The following MDGA1 variants were observed in gnomAD, a reference collection of about 807,000 sequenced individuals.
MDGA1 encodes MAM domain containing glycosylphosphatidylinositol anchor 1, also known as MAM domain-containing glycosylphosphatidylinositol anchor protein 1.
A neutral mutation model predicts 101.5 loss-of-function variants in MDGA1; 54 were observed. The ratio of observed to expected loss-of-function variants is 0.53; its 90% confidence interval spans 0.43 to 0.67. The LOEUF (loss-of-function observed/expected upper bound fraction) is 0.67. MDGA1 is among the 30% of genes least tolerant of loss of function. The pLI, the probability that MDGA1 is intolerant of heterozygous loss-of-function variation, is 0.00. For missense variants in MDGA1, 1,083 were observed against 1,323.8 expected, an observed-to-expected ratio of 0.82 and a Z score of 2.82; for synonymous variants, 533 against 558.3, an observed-to-expected ratio of 0.95 and a Z score of 0.64.
intron 2 of MDGA1, among the ~76,000 whole-genome samples, chr6:37,663,370 G>C (rs925093720): frequency 6.6e-6 from 1 of 152,238 alleles, no homozygotes; most frequent in African/African-American, 2.4e-5. Context: ...GAAGTAGATA[G>C]AGATCACGTT....
chr6:37,693,670 C>T (rs996517158), intron 1 of MDGA1, among the ~76,000 whole-genome samples: 4 of 152,264 alleles, frequency 2.6e-5, no homozygotes, highest in African/African-American at 9.6e-5. Flanking sequence ...TCTTCCATCA[C>T]TTGGCTACTG....
In MDGA1 at chr6:37,647,085, G is replaced by A. The variant is rs574364508; in HGVS notation, c.2046+88C>T. ...GTCAACGTGTCTAAGCCCCATCTCC[G>A]ACCCTTCCTCTGGCCTTGATGAGCA... is the stretch of plus-strand genomic sequence containing the variant. On this transcript the variant is annotated intron_variant, in intron 10 of 16. Coordinates refer to ENST00000434837, the MANE Select transcript of MDGA1 (RefSeq NM_153487.4). The A allele has an allele frequency of 1.8e-4, 230 of 1,278,330 alleles. 2 individuals are homozygous for A. In the South Asian group the frequency reaches 2.8e-3, roughly 15 times the overall value. The allele number at this position is 1,278,330 out of a possible 1,614,324, so 79.2% of individuals were successfully genotyped here. A position where few individuals can be genotyped will look rare whatever the true frequency, so the allele number is the denominator to read the frequency against.
chr6:37,656,267 G>A (rs3857567), intron 3 of MDGA1, among the ~76,000 whole-genome samples: 89,892 of 151,380 alleles, frequency 0.59, 28,017 homozygotes, highest in East Asian at 0.85. Flanking sequence ...TAGTAGAGGC[G>A]GGGTTTCACC....
At chr6:37,644,113 C>T (rs1225955857) in intron 13 of MDGA1, among the ~76,000 whole-genome samples, 170 bp from the exon 14 acceptor site, 5 of 36,550 alleles carry the variant, frequency 1.4e-4, no homozygotes, top group African/African-American at 2.9e-4. Flanking sequence ...CCTCACCCCA[C>T]GCATCCTGCC....
At chr6:37,657,604 T>C (rs1761520694) in intron 3 of MDGA1, among the ~76,000 whole-genome samples, 2 of 152,148 alleles carry the variant, frequency 1.3e-5, no homozygotes, top group African/African-American at 4.8e-5. Context: ...GTATAGCTAA[T>C]AGGTAGGTTC....
At chr6:37,693,773 G>A (rs1171948017) in intron 1 of MDGA1, among the ~76,000 whole-genome samples, 1 of 152,242 alleles carries the variant, frequency 6.6e-6, no homozygotes, top group Admixed American at 6.5e-5. Flanking sequence ...ACAACAAACT[G>A]GGCCAGGAGA....
In MDGA1 at chr6:37,630,947, C is replaced by T. The variant is rs531733871; in HGVS notation, c.*6421G>A. 1.0e-3 allele frequency: 152 copies of T among 152,318 alleles called. No individual in the cohort carries two copies. The highest frequency in any genetic ancestry group is 3.6e-3 in the African/African-American group (148 of 41,554). 9.4% of individuals were successfully genotyped at this position (152,318 alleles called of 1,614,324 possible). ...TTCCAGAGAGAACGTTCCAAGAGGC[C>T]TGAGCTGAAGCTCCAAGGCATCTTC... On this transcript the variant is annotated 3_prime_UTR_variant, in exon 17 of 17. Transcript: ENST00000434837.
At position 37,678,443 on chromosome 6, in the gene MDGA1, T is replaced by C. The variant is rs149226306; in HGVS notation, c.68-14337A>G. On this transcript the variant is annotated intron_variant, in intron 1 of 16. Coordinates refer to ENST00000434837, the MANE Select transcript of MDGA1 (RefSeq NM_153487.4). ...CTGCTTCCTCCCTTGCCTGCTGTAG[T>C]CTGTTCTCCACCAGCAGGCAGAGGA... Among the ~76,000 whole-genome samples, 407 of 152,262 alleles carry C rather than the reference T, an allele frequency of 2.7e-3. 3 individuals carry two copies. Among genetic ancestry groups the C allele is most frequent in the African/African-American group, 9.4e-3 (390 of 41,534 alleles).
rs1236622420 is a variant in MDGA1, at chr6:37,652,896, T to TG, written c.983-557dup. Among the ~76,000 whole-genome samples, 2 of 152,244 alleles carry TG rather than the reference T, an allele frequency of 1.3e-5. No homozygotes were observed. Among genetic ancestry groups the TG allele is most frequent in the African/African-American group, 4.8e-5 (2 of 41,466 alleles). On this transcript the variant is annotated intron_variant, in intron 6 of 16. Coordinates refer to ENST00000434837, the MANE Select transcript of MDGA1 (RefSeq NM_153487.4). The surrounding 1 kb of genome is among the most constrained non-coding windows in gnomAD (Gnocchi z 4.3). The stretch of plus-strand genomic sequence containing the variant: ...AGTGGAACTGAGGAGAATTGACAAT[T>TG]GAATTCTTACATTTCACTCTTTTGT...
chr6:37,689,040 G>A (rs1004029936), intron 1 of MDGA1, among the ~76,000 whole-genome samples: 3 of 152,128 alleles, frequency 2.0e-5, no homozygotes, highest in South Asian at 2.1e-4. Flanking sequence ...ACTTGTGCAC[G>A]GGAAAGTTTG....
At chr6:37,650,011 G>T in intron 8 of MDGA1, 98 bp downstream of exon 8, 1 of 1,445,130 alleles carries the variant, frequency 6.9e-7, no homozygotes, top group Non-Finnish European at 9.6e-7. Context: ...GGTGGGGTTT[G>T]GTTGGACTGG....
At chr6:37,640,597 G>A (rs1385866053) in intron 14 of MDGA1, among the ~76,000 whole-genome samples, 4 of 152,154 alleles carry the variant, frequency 2.6e-5, no homozygotes, top group African/African-American at 7.2e-5. Context: ...GATTACAGGC[G>A]TGAGCCACTG....
At chr6:37,667,881 C>T (rs1447281389) in intron 1 of MDGA1, among the ~76,000 whole-genome samples, 1 of 152,190 alleles carries the variant, frequency 6.6e-6, no homozygotes, top group Non-Finnish European at 1.5e-5. Flanking sequence ...AGACACAGGG[C>T]CTCTGGTCAC....
At chr6:37,662,200 G>A (rs1761641330) in intron 2 of MDGA1, among the ~76,000 whole-genome samples, 1 of 150,716 alleles carries the variant, frequency 6.6e-6, no homozygotes, top group African/African-American at 2.4e-5. Context: ...GGGGTGAGGT[G>A]AGAGATTGGG....
intron 10 of MDGA1, 23 bp downstream of exon 10, chr6:37,647,150 G>A (rs866796165): frequency 6.3e-7 from 1 of 1,580,528 alleles, no homozygotes; most frequent in Non-Finnish European, 8.6e-7. Context: ...CTGCCCCCAG[G>A]CCCCCGCTCC....
intron 2 of MDGA1, among the ~76,000 whole-genome samples, chr6:37,660,412 T>C (rs1231334100): frequency 6.6e-6 from 1 of 152,130 alleles, no homozygotes; most frequent in Non-Finnish European, 1.5e-5. Flanking sequence ...CCTCCATGTC[T>C]CTCAACTTCT....
chr6:37,686,646 C>CA (rs1179424007), intron 1 of MDGA1, among the ~76,000 whole-genome samples: 2 of 152,058 alleles, frequency 1.3e-5, no homozygotes, highest in Non-Finnish European at 2.9e-5. Context: ...AGGCTGGTCT[C>CA]AAACTCCTGA....
chr6:37,661,017 T>C (rs564796625), intron 2 of MDGA1, among the ~76,000 whole-genome samples: 2 of 152,352 alleles, frequency 1.3e-5, no homozygotes, highest in Non-Finnish European at 2.9e-5. Flanking sequence ...AGGGTTATGC[T>C]ATCTCATAGG....
At position 37,655,748 on chromosome 6, in the gene MDGA1, G is replaced by T; in HGVS notation, c.531C>A (p.Ser177=). The T allele has an allele frequency of 6.2e-7, 1 of 1,613,282 alleles. No individual in the cohort carries two copies. The highest frequency in any genetic ancestry group is 8.5e-7 in the Non-Finnish European group (1 of 1,179,634). The change falls in exon 4 of 17, where the codon TCC becomes TCA. Residue 177 remains serine (S), a synonymous_variant. Coordinates refer to ENST00000434837, the MANE Select transcript of MDGA1 (RefSeq NM_153487.4). This position sits in a 1 kb window ranked among gnomAD's most constrained non-coding sequence, Gnocchi z 5.1. ...FIWKRGSDTL[S]HSQDNGVDIY... ...TGTCAACCCCATTGTCCTGGCTGTG[G>T]GATAGGGTATCGGAACCCCGCTTCC...
Sources: allele counts gnomAD v4.1 joint callset (sites outside exome capture counted in the v4.1 genomes callset), GRCh38; gene constraint gnomAD v4.1.1; non-coding constraint Gnocchi (gnomAD v3.1); transcripts MANE v1.5; gene names NCBI Gene and HGNC (gene_info 2026-07-23, HGNC 2026-07-21).